RSRC1: variants seen among roughly 807,000 people sequenced by gnomAD.
RSRC1 encodes arginine and serine rich coiled-coil 1.
RSRC1 carries 39 observed loss-of-function variants against 49.1 expected under a neutral mutation model. The ratio of observed to expected loss-of-function variants is 0.79; its 90% CI spans 0.61 to 1.04. RSRC1 has a LOEUF of 1.04. Among genes scored for constraint, RSRC1 ranks in the 50% least tolerant of loss-of-function variants. RSRC1 has a pLI of 0.00. For missense variants in RSRC1, 388 were observed against 402.4 expected, an observed-to-expected ratio of 0.96 and a Z score of 0.31; for synonymous variants, 143 against 130.8, an observed-to-expected ratio of 1.09 and a Z score of -0.63.
At chr3:158,486,056 C>CT (rs1347955259) in intron 7 of RSRC1, among the ~76,000 whole-genome samples, 1 of 152,152 alleles carries the variant, frequency 6.6e-6, no homozygotes, top group African/African-American at 2.4e-5. Context: ...TATCATTTCT[C>CT]TAAGTATTTA....
chr3:158,404,934 G>A (rs1415509895), intron 6 of RSRC1, among the ~76,000 whole-genome samples: 2 of 151,846 alleles, frequency 1.3e-5, no homozygotes, highest in East Asian at 3.9e-4. Context: ...CTACTGTAAT[G>A]GTTTTCAAGG....
intron 6 of RSRC1, among the ~76,000 whole-genome samples, chr3:158,371,373 C>T (rs1013013411): frequency 1.1e-4 from 16 of 151,658 alleles, no homozygotes; most frequent in African/African-American, 3.6e-4. Context: ...CCCCAAATTC[C>T]CCCATACCCC....
intron 7 of RSRC1, among the ~76,000 whole-genome samples, chr3:158,463,552 T>A (rs1034899079): frequency 1.3e-5 from 2 of 152,100 alleles, no homozygotes; most frequent in African/African-American, 4.8e-5. Flanking sequence ...CTCATCATGC[T>A]GATGTGCAAT....
At chr3:158,143,473 G>T (rs59628555) in intron 3 of RSRC1, among the ~76,000 whole-genome samples, 2 of 151,976 alleles carry the variant, frequency 1.3e-5, no homozygotes, top group African/African-American at 4.8e-5. Flanking sequence ...AAATAGTAGG[G>T]ACATTACTTA....
chr3:158,497,898 G>T (rs921421920), intron 7 of RSRC1, among the ~76,000 whole-genome samples: 2 of 152,026 alleles, frequency 1.3e-5, no homozygotes, highest in African/African-American at 2.4e-5. Flanking sequence ...CCTTTTTATG[G>T]CTGAGTAGTA....
intron 1 of RSRC1, among the ~76,000 whole-genome samples, chr3:158,118,414 T>C (rs934732032): frequency 4.4e-5 from 1 of 22,630 alleles, no homozygotes; most frequent in African/African-American, 1.7e-4. Flanking sequence ...CCTGGCCTTC[T>C]GTGTGTGTGT....
At chr3:158,259,897 A>G (rs1206191597) in intron 4 of RSRC1, among the ~76,000 whole-genome samples, 1 of 151,968 alleles carries the variant, frequency 6.6e-6, no homozygotes, top group Non-Finnish European at 1.5e-5. Context: ...GCTATCATCA[A>G]TGCTCACCCA....
chr3:158,300,743 T>C (rs930672238), intron 5 of RSRC1, among the ~76,000 whole-genome samples: 2 of 152,192 alleles, frequency 1.3e-5, no homozygotes, highest in Admixed American at 6.5e-5. Flanking sequence ...CTTTCTTCAG[T>C]CTTTGTTTTT....
Position 158,461,013 on chromosome 3 carries a change from T to G in RSRC1, c.652+10T>G. ...AGAAGAAAGGAGGAAGGTAAAGGCA[T>G]GTGTTCATTTTTCTCTGAGAAATCA... On this transcript the variant is annotated intron_variant, in intron 7 of 9. Transcript: ENST00000611884. 6.3e-7 allele frequency: 1 copy of G among 1,587,288 alleles called. No homozygotes were observed. Among genetic ancestry groups the G allele is most frequent in the Non-Finnish European group, 8.6e-7 (1 of 1,161,710 alleles).
chr3:158,535,689 G>C (rs541864983), intron 7 of RSRC1, among the ~76,000 whole-genome samples: 1 of 151,376 alleles, frequency 6.6e-6, no homozygotes, highest in South Asian at 2.1e-4. Flanking sequence ...AAAGGATATA[G>C]GAATCAACTT....
At chr3:158,351,153 C>T (rs181029802) in intron 5 of RSRC1, among the ~76,000 whole-genome samples, 202 of 152,222 alleles carry the variant, frequency 1.3e-3, no homozygotes, top group African/African-American at 4.7e-3. Flanking sequence ...ACAGGTGGGA[C>T]GCAGAGGGTT....
At chr3:158,358,512 A>G (rs1290204285) in intron 6 of RSRC1, among the ~76,000 whole-genome samples, 1 of 152,174 alleles carries the variant, frequency 6.6e-6, no homozygotes, top group African/African-American at 2.4e-5. Context: ...TGTAACTTTG[A>G]GCAGTTTAAT....
intron 7 of RSRC1, among the ~76,000 whole-genome samples, chr3:158,487,666 A>T (rs1004032452): frequency 6.6e-6 from 1 of 151,972 alleles, no homozygotes; most frequent in African/African-American, 2.4e-5. Context: ...CTGAATAAAA[A>T]ACTGGCCAGG....
intron 4 of RSRC1, among the ~76,000 whole-genome samples, chr3:158,264,901 A>G (rs1725085073): frequency 6.6e-6 from 1 of 152,214 alleles, no homozygotes; most frequent in Admixed American, 6.5e-5. Flanking sequence ...CCAGGCAGTA[A>G]TCTCCAATTC....
intron 4 of RSRC1, among the ~76,000 whole-genome samples, chr3:158,269,668 A>G (rs1274397466): frequency 3.3e-5 from 5 of 152,082 alleles, no homozygotes; most frequent in Admixed American, 1.3e-4. Context: ...ATGTGCCACC[A>G]TGCCCAGCTA....
intron 4 of RSRC1, among the ~76,000 whole-genome samples, chr3:158,227,124 A>G (rs1578215832): frequency 6.6e-6 from 1 of 152,004 alleles, no homozygotes; most frequent in South Asian, 2.1e-4. Flanking sequence ...GGTTTCCTTT[A>G]TCCCTCCTCC....
intron 4 of RSRC1, among the ~76,000 whole-genome samples, chr3:158,215,846 G>T (rs927389371): frequency 1.3e-5 from 2 of 151,710 alleles, no homozygotes; most frequent in African/African-American, 4.8e-5. Flanking sequence ...ATTTTAGGAT[G>T]AGGAGATTAT....
chr3:158,423,162 C>T (rs1453469652), intron 6 of RSRC1, among the ~76,000 whole-genome samples: 3 of 151,956 alleles, frequency 2.0e-5, no homozygotes, highest in Non-Finnish European at 4.4e-5. Context: ...ATGCCTATGT[C>T]CTGAATGGTA....
chr3:158,369,698 A>G (rs1560013777), intron 6 of RSRC1, among the ~76,000 whole-genome samples: 1 of 152,074 alleles, frequency 6.6e-6, no homozygotes, highest in Admixed American at 6.6e-5. Flanking sequence ...TGTAATGTTT[A>G]TTCAGTATTA....
Sources: gnomAD v4.1 joint callset for allele counts (sites outside exome capture counted in the v4.1 genomes callset) on GRCh38, gnomAD v4.1.1 for gene constraint, MANE v1.5 for transcripts, NCBI Gene and HGNC (gene_info 2026-07-23, HGNC 2026-07-21) for gene names.